The following EPAS1 variants were observed in gnomAD, a reference collection of about 807,000 sequenced individuals.
EPAS1 encodes the protein endothelial PAS domain protein 1.
EPAS1 carries 23 observed loss-of-function variants against 87.9 expected under a neutral mutation model. The ratio of observed to expected loss-of-function variants is 0.26; its 90% CI spans 0.19 to 0.37. EPAS1 has a LOEUF of 0.37. EPAS1 is among the 10% of genes least tolerant of loss of function. EPAS1 has a pLI of 1.00. For synonymous variants in EPAS1, 508 were observed against 444.3 expected (o/e 1.14, Z -1.80); for missense variants, 1,138 against 1,120.7 (o/e 1.02, Z -0.22).
intron 1 of EPAS1, among the ~76,000 whole-genome samples, chr2:46,306,720 G>A (rs1424472748): frequency 6.6e-6 from 1 of 152,176 alleles, no homozygotes; most frequent in Non-Finnish European, 1.5e-5. Flanking sequence ...AGAAACAACA[G>A]AAAATTGTGC....
chr2:46,378,194 C>T, intron 10 of EPAS1, 107 bp downstream of exon 10: 1 of 1,504,324 alleles, frequency 6.6e-7, no homozygotes. Flanking sequence ...CTCAGGTTAT[C>T]ACAGAGCCCC....
intron 1 of EPAS1, among the ~76,000 whole-genome samples, chr2:46,298,793 C>T (rs943553695): frequency 3.3e-5 from 5 of 152,192 alleles, no homozygotes; most frequent in African/African-American, 9.6e-5. Context: ...CCAGTCCAGC[C>T]GGGCCCGGCG....
At chr2:46,333,370 C>G (rs549642098) in intron 1 of EPAS1, among the ~76,000 whole-genome samples, 1 of 152,130 alleles carries the variant, frequency 6.6e-6, no homozygotes, top group African/African-American at 2.4e-5. Flanking sequence ...AACAAGGTGA[C>G]GGTGCCTTGC....
At chr2:46,318,041 A>C (rs113066746) in intron 1 of EPAS1, among the ~76,000 whole-genome samples, 19 of 152,282 alleles carry the variant, frequency 1.2e-4, no homozygotes, top group African/African-American at 4.1e-4. Context: ...TCATTCCTTA[A>C]CTTTTGATTT....
chr2:46,337,768 G>A (rs1350734408), intron 1 of EPAS1, among the ~76,000 whole-genome samples: 1 of 152,144 alleles, frequency 6.6e-6, no homozygotes, highest in African/African-American at 2.4e-5. Flanking sequence ...ATACCTTCAA[G>A]CCCAGAGAGG....
intron 9 of EPAS1, 125 bp from the exon 10 acceptor site, chr2:46,377,769 G>T: frequency 6.6e-7 from 1 of 1,506,672 alleles, no homozygotes; most frequent in Non-Finnish European, 9.0e-7. Flanking sequence ...GGTGTTGGGG[G>T]GGCCTAGCCC....
intron 2 of EPAS1, among the ~76,000 whole-genome samples, chr2:46,348,046 A>T (rs189778035): frequency 5.9e-5 from 9 of 152,146 alleles, no homozygotes; most frequent in Admixed American, 5.2e-4. Flanking sequence ...CCATCCTGTT[A>T]TGAAGTGGCT....
In EPAS1 at chr2:46,346,823, G is replaced by A. The variant is rs1164539105; in HGVS notation, c.27-50G>A. The A allele has an allele frequency of 1.2e-6, 2 of 1,604,958 alleles. No individual in the cohort carries two copies. Among genetic ancestry groups the A allele is most frequent in the Non-Finnish European group, 1.7e-6 (2 of 1,174,114 alleles). ...ATGGGGATGTCCTGGCCAGAGGTAT[G>A]ATAGGCTGACAGTAACCTTTCCGGG... is the stretch of plus-strand genomic sequence containing the variant. On this transcript the variant is annotated intron_variant, in intron 1 of 15. Coordinates refer to ENST00000263734, the MANE Select transcript of EPAS1 (RefSeq NM_001430.5). This position sits in a 1 kb window ranked among gnomAD's most constrained non-coding sequence, Gnocchi z 4.0.
At position 46,385,895 on chromosome 2, in the gene EPAS1, T is replaced by C. The variant is rs1379824669; in HGVS notation, c.*1235T>C. ...ATGAGATGGTTTAGACGGGAATTCA[T>C]GCAAATGAGGGGTCAAAAATGGTAT... On this transcript the variant is annotated 3_prime_UTR_variant, in exon 16 of 16. Transcript: ENST00000263734. 1.3e-5 allele frequency: 2 copies of C among 152,160 alleles called. No homozygotes were observed. Among genetic ancestry groups the C allele is most frequent in the African/African-American group, 2.4e-5 (1 of 41,378 alleles). 9.4% of individuals were successfully genotyped at this position (152,160 alleles called of 1,614,324 possible).
At chr2:46,324,978 T>C (rs1006433578) in intron 1 of EPAS1, among the ~76,000 whole-genome samples, 1 of 152,228 alleles carries the variant, frequency 6.6e-6, no homozygotes, top group Non-Finnish European at 1.5e-5. Context: ...ATAGAGATGT[T>C]GTTTAATATT....
At chr2:46,335,788 C>T (rs1021302980) in intron 1 of EPAS1, 2 of 152,050 alleles carry the variant, frequency 1.3e-5, no homozygotes, top group Non-Finnish European at 2.9e-5. Flanking sequence ...GCTCACCATT[C>T]ATCCTTTCTG....
intron 15 of EPAS1, 83 bp from the exon 16 acceptor site, chr2:46,384,426 G>T: frequency 6.3e-7 from 1 of 1,587,580 alleles, no homozygotes; most frequent in Non-Finnish European, 8.6e-7. Context: ...TGCTCTATTG[G>T]TATCCCCCAG....
rs762157953 is a variant in EPAS1, at chr2:46,380,487, C to T, written c.1815C>T (p.Ser605=). The T allele has an allele frequency of 1.1e-5, 17 of 1,614,086 alleles. No homozygotes were observed. The highest frequency in any genetic ancestry group is 8.8e-5 in the South Asian group (8 of 91,092). Reference sequence around the variant, plus strand: ...CAGAGCCCGAGCACCGGCCCATGTCCTCCATCTTCTTTGATGCCGGAAGCA... The same window carrying T: ...CAGAGCCCGAGCACCGGCCCATGTCTTCCATCTTCTTTGATGCCGGAAGCA... ...KKTEPEHRPM[S]SIFFDAGSKA... Residue 605 remains serine (S), a synonymous_variant, in exon 12 of 16, where the codon TCC becomes TCT. Coordinates refer to ENST00000263734, the MANE Select transcript of EPAS1 (RefSeq NM_001430.5). The surrounding 1 kb of genome is among the most constrained non-coding windows in gnomAD (Gnocchi z 4.4).
intron 1 of EPAS1, among the ~76,000 whole-genome samples, chr2:46,320,535 C>T (rs150520382): frequency 1.9e-3 from 287 of 152,212 alleles, no homozygotes; most frequent in Middle Eastern, 3.4e-3. Context: ...ATGGAAAGAT[C>T]GAAGCAAACC....
chr2:46,301,438 G>A (rs527573059), intron 1 of EPAS1, among the ~76,000 whole-genome samples: 5 of 152,172 alleles, frequency 3.3e-5, no homozygotes, highest in South Asian at 4.2e-4. Context: ...TTAGCCGGGC[G>A]TGGTGGTGGG....
intron 1 of EPAS1, among the ~76,000 whole-genome samples, chr2:46,340,986 C>T (rs1357795554): frequency 6.6e-6 from 1 of 152,200 alleles, no homozygotes; most frequent in African/African-American, 2.4e-5. Context: ...TCCCAAAGTG[C>T]TGTGATTATA....
At chr2:46,309,163 A>G (rs1683165519) in intron 1 of EPAS1, among the ~76,000 whole-genome samples, 1 of 152,344 alleles carries the variant, frequency 6.6e-6, no homozygotes. Context: ...AAGCACAGGT[A>G]GACACTTTGC....
At chr2:46,298,041 C>G in intron 1 of EPAS1, 104 bp downstream of exon 1, 1 of 1,418,018 alleles carries the variant, frequency 7.1e-7, no homozygotes, top group Non-Finnish European at 9.7e-7. Context: ...GCTGAGAGGT[C>G]TTCGGAGCTC....
At chr2:46,332,987 A>C (rs563484821) in intron 1 of EPAS1, among the ~76,000 whole-genome samples, 1 of 152,344 alleles carries the variant, frequency 6.6e-6, no homozygotes, top group South Asian at 2.1e-4. Context: ...GCTGACTAGC[A>C]GCTGGCTCAC....
Sources: allele counts gnomAD v4.1 joint callset (sites outside exome capture counted in the v4.1 genomes callset), GRCh38; gene constraint gnomAD v4.1.1; non-coding constraint Gnocchi (gnomAD v3.1); transcripts MANE v1.5; gene names NCBI Gene and HGNC (gene_info 2026-07-23, HGNC 2026-07-21).